Variants in SNTB2 observed in about 807,000 individuals in gnomAD.
SNTB2 encodes beta-2-syntrophin.
A neutral mutation model predicts 46.2 loss-of-function variants in SNTB2; 34 were observed. That is an observed-to-expected ratio of 0.74 (90% CI 0.56 to 0.98). The LOEUF (loss-of-function observed/expected upper bound fraction) is 0.98, where lower values mean the gene tolerates loss of function less well. SNTB2 is among the 50% of genes least tolerant of loss of function. The pLI is 0.00. For synonymous variants in SNTB2, 290 were observed against 312.6 expected (o/e 0.93, Z 0.76); for missense variants, 603 against 731.4 (o/e 0.82, Z 2.02).
At chr16:69,249,624 A>G (rs1325879124) in intron 2 of SNTB2, among the ~76,000 whole-genome samples, 1 of 152,166 alleles carries the variant, frequency 6.6e-6, no homozygotes, top group East Asian at 1.9e-4. Context: ...AGATTTTCAG[A>G]ACCAAATGGA....
chr16:69,254,830 A>G (rs932907996), intron 2 of SNTB2, among the ~76,000 whole-genome samples: 9 of 152,008 alleles, frequency 5.9e-5, no homozygotes, highest in African/African-American at 2.2e-4. Context: ...TTTTTTTTTA[A>G]AGTAGTTGGG....
At chr16:69,229,235 G>T (rs1319129155) in intron 1 of SNTB2, among the ~76,000 whole-genome samples, 1 of 152,010 alleles carries the variant, frequency 6.6e-6, no homozygotes, top group Non-Finnish European at 1.5e-5. Context: ...GCAGTGGCAC[G>T]ATCAAGACAC....
At chr16:69,195,061 T>A (rs1964090683) in intron 1 of SNTB2, among the ~76,000 whole-genome samples, 1 of 152,174 alleles carries the variant, frequency 6.6e-6, no homozygotes, top group Admixed American at 6.5e-5. Context: ...TTTATTGGTA[T>A]TTTGAACATC....
At chr16:69,277,890 T>G (rs1964997419) in intron 4 of SNTB2, among the ~76,000 whole-genome samples, 1 of 152,188 alleles carries the variant, frequency 6.6e-6, no homozygotes, top group South Asian at 2.1e-4. Flanking sequence ...AGGGAAAATA[T>G]AAAAAGTGAG....
intron 2 of SNTB2, among the ~76,000 whole-genome samples, chr16:69,248,047 C>G (rs1356279841): frequency 6.6e-6 from 1 of 152,092 alleles, no homozygotes; most frequent in African/African-American, 2.4e-5. Context: ...CACTTGAACC[C>G]AAGAGTTCAA....
chr16:69,234,950 G>A (rs551364793), intron 1 of SNTB2, among the ~76,000 whole-genome samples: 20 of 152,170 alleles, frequency 1.3e-4, no homozygotes, highest in African/African-American at 3.4e-4. Context: ...TGATCCACCC[G>A]CTCTGGCCTC....
intron 2 of SNTB2, among the ~76,000 whole-genome samples, chr16:69,253,691 G>A (rs1964746619): frequency 6.6e-6 from 1 of 152,058 alleles, no homozygotes; most frequent in African/African-American, 2.4e-5. Context: ...ACTGTCAGTG[G>A]GAAATAACTC....
chr16:69,216,919 G>C (rs1043845278), intron 1 of SNTB2, among the ~76,000 whole-genome samples: 1 of 152,226 alleles, frequency 6.6e-6, no homozygotes, highest in Non-Finnish European at 1.5e-5. Context: ...GAGTGGGAAG[G>C]AGAGTGTGGC....
chr16:69,284,925 G>A (rs1437072614), intron 5 of SNTB2, among the ~76,000 whole-genome samples: 6 of 152,044 alleles, frequency 3.9e-5, no homozygotes, highest in Admixed American at 1.3e-4. Flanking sequence ...AAAGATACAC[G>A]AATGCTTACC....
chr16:69,281,499 G>GTT lies in SNTB2; in HGVS notation c.1149-2537_1149-2536dup, dbSNP rs1182165949. Among the ~76,000 whole-genome samples, 11 of 111,674 alleles carry GTT rather than the reference G, an allele frequency of 9.9e-5. No homozygotes were observed. In the East Asian group the frequency reaches 1.5e-3, roughly 16 times the overall value. 73.3% of individuals were successfully genotyped at this position (111,674 alleles called of 152,430 possible). A position where few individuals can be genotyped will look rare whatever the true frequency, so the allele number is the denominator to read the frequency against. ...TGTAAGGTCTGGTTTTTTTTTTTTT[G>GTT]TTTTTTTTTTTTTACATATGGATGT... On this transcript the variant is annotated intron_variant, in intron 4 of 6. Coordinates refer to ENST00000336278, the MANE Select transcript of SNTB2 (RefSeq NM_006750.4).
chr16:69,233,909 T>C (rs1171241110), intron 1 of SNTB2, among the ~76,000 whole-genome samples: 1 of 151,982 alleles, frequency 6.6e-6, no homozygotes, highest in Non-Finnish European at 1.5e-5. Flanking sequence ...CCTAGGAGTT[T>C]GAGGCTGCAG....
chr16:69,202,178 T>C lies in SNTB2; in HGVS notation c.580+14432T>C, dbSNP rs928824173. On this transcript the variant is annotated intron_variant, in intron 1 of 6. Transcript: ENST00000336278. ...TGTTTAATGAAGGGGCTAGAGTTTCTGGCCCTGTCTCCTCTGTTCTCTGAC... is the reference window on the plus strand; with the variant it reads ...TGTTTAATGAAGGGGCTAGAGTTTCCGGCCCTGTCTCCTCTGTTCTCTGAC... 2.0e-5 allele frequency among the ~76,000 whole-genome samples: 3 copies of C among 152,218 alleles called. No individual in the cohort carries two copies. In the South Asian group the frequency reaches 6.2e-4, roughly 32 times the overall value.
chr16:69,230,923 T>G (rs1426600540), intron 1 of SNTB2: 1 of 151,686 alleles, frequency 6.6e-6, no homozygotes, highest in Non-Finnish European at 1.5e-5. Flanking sequence ...GTTTGTATTT[T>G]CAGTAGAGAT....
chr16:69,281,305 C>G (rs1301087808), intron 4 of SNTB2, among the ~76,000 whole-genome samples: 1 of 151,342 alleles, frequency 6.6e-6, no homozygotes, highest in East Asian at 2.0e-4. Context: ...GATCTCGGCT[C>G]ACTGCAACCT....
rs1965335702 is a variant in SNTB2 at position 69,308,975 on chromosome 16, A to G, written c.*8051A>G. ...TTGTACATTACAATGAAAATGTGTA[A>G]CTTAAGGGTATTATATATATAAATA... On this transcript the variant is annotated 3_prime_UTR_variant, in exon 7 of 7. Transcript: ENST00000336278. 1 of 152,614 alleles carries G rather than the reference A, an allele frequency of 6.6e-6. No homozygotes were observed. Among genetic ancestry groups the G allele is most frequent in the South Asian group, 2.1e-4 (1 of 4,832 alleles). The allele number at this position is 152,614 out of a possible 1,614,324, so 9.5% of individuals were successfully genotyped here. A position where few individuals can be genotyped will look rare whatever the true frequency, so the allele number is the denominator to read the frequency against.
intron 5 of SNTB2, among the ~76,000 whole-genome samples, chr16:69,294,416 C>T (rs141750738): frequency 1.3e-5 from 2 of 152,182 alleles, no homozygotes; most frequent in East Asian, 3.9e-4. Flanking sequence ...TACACTGAAA[C>T]TCTTATCACT....
At chr16:69,259,990 C>G in intron 2 of SNTB2, 60 bp from the exon 3 acceptor site, 1 of 1,214,432 alleles carries the variant, frequency 8.2e-7, no homozygotes, top group Non-Finnish European at 1.2e-6. Flanking sequence ...GTATTTTAAA[C>G]CTGGCAGGTT....
intron 1 of SNTB2, among the ~76,000 whole-genome samples, chr16:69,210,619 T>G (rs1257487392): frequency 6.6e-6 from 1 of 152,044 alleles, no homozygotes; most frequent in African/African-American, 2.4e-5. Context: ...ACTCCTGGGC[T>G]CTAGGGATCC....
chr16:69,203,463 C>T (rs576790714), intron 1 of SNTB2, among the ~76,000 whole-genome samples: 125 of 152,154 alleles, frequency 8.2e-4, no homozygotes, highest in Non-Finnish European at 1.4e-3. Context: ...CTTAGCCTCT[C>T]GAGTAGCTGG....
Sources: gnomAD v4.1 joint callset for allele counts (sites outside exome capture counted in the v4.1 genomes callset) on GRCh38, gnomAD v4.1.1 for gene constraint, MANE v1.5 for transcripts, NCBI Gene and HGNC (gene_info 2026-07-23, HGNC 2026-07-21) for gene names.